The following ZNF732 variants were observed in gnomAD, a reference collection of about 807,000 sequenced individuals.
The protein encoded by ZNF732 is zinc finger protein 732, also known as zinc finger protein LOC654254.
In ZNF732, 12 loss-of-function variants were observed where a neutral mutation model predicts 11.5. The observed-to-expected ratio is 1.05, with a 90% CI of 0.67 to 1.70. The LOEUF (loss-of-function observed/expected upper bound fraction) is 1.70, where lower values mean the gene tolerates loss of function less well. Among genes scored for constraint, ZNF732 ranks in the 40% most tolerant of loss-of-function variants. The pLI is 0.00. For missense variants in ZNF732, 702 were observed against 676.9 expected (o/e 1.04, Z -0.41); for synonymous variants, 231 against 236.5 (o/e 0.98, Z 0.21).
rs782200949 is a variant in ZNF732 at position 296,141 on chromosome 4, G to A, written c.18C>T (p.Phe6=). 6 of 1,611,556 alleles carry A rather than the reference G, an allele frequency of 3.7e-6. No homozygotes were observed. Among genetic ancestry groups the A allele is most frequent in the African/African-American group, 1.3e-5 (1 of 74,722 alleles). The part of the protein sequence containing the change: MELLT[F]RDVAIEFSPE... ...GAGAGAATTCTATGGCCACATCCCT[G>A]AATGTTAAGAGTTCCTGAAAATATA... The change falls in exon 2 of 4, where the codon TTC becomes TTT. Residue 6 remains phenylalanine (F), a synonymous_variant. Transcript: ENST00000419098.
At position 295,890 on chromosome 4, in the gene ZNF732, C is replaced by T. The variant is rs1032875330; in HGVS notation, c.130+139G>A. 41 of 1,096,764 alleles carry T rather than the reference C, an allele frequency of 3.7e-5. No homozygotes were observed. In the African/African-American group the frequency reaches 6.4e-4, roughly 17 times the overall value. The allele number at this position is 1,096,764 out of a possible 1,614,324, so 67.9% of individuals were successfully genotyped here. ...AACATCTTAATATTCTTTTTTACAC[C>T]AGCAAACTCCCAACAGTTTCTTGAA... On this transcript the variant is annotated intron_variant, in intron 2 of 3. Transcript: ENST00000419098.
chr4:294,146 GC>G (rs1170062880), intron 3 of ZNF732, among the ~76,000 whole-genome samples: 5 of 151,924 alleles, frequency 3.3e-5, no homozygotes, highest in African/African-American at 9.7e-5. Flanking sequence ...GATTACAGGC[GC>G]CCCCCACCAT....
At position 292,890 on chromosome 4, in the gene ZNF732, C is replaced by CAAAAAAAA. The variant is rs34118991; in HGVS notation, c.226+2540_226+2547dup. On this transcript the variant is annotated intron_variant, in intron 3 of 3. Transcript: ENST00000419098. ...TGAAACTCTGTCTCTACTAAAAACA[C>CAAAAAAAA]AAAAAAAAAAAAAAAAAAAAAAAAA... is the stretch of plus-strand genomic sequence containing the variant. 6.8e-4 allele frequency among the ~76,000 whole-genome samples: 54 copies of CAAAAAAAA among 79,502 alleles called. 1 individual carries two copies. The highest frequency in any genetic ancestry group is 7.8e-4 in the Non-Finnish European group (30 of 38,396). The allele number at this position is 79,502 out of a possible 152,430, so 52.2% of individuals were successfully genotyped here. A position where few individuals can be genotyped will look rare whatever the true frequency, so the allele number is the denominator to read the frequency against.
At chr4:293,368 A>G (rs1327863061) in intron 3 of ZNF732, among the ~76,000 whole-genome samples, 2 of 150,892 alleles carry the variant, frequency 1.3e-5, no homozygotes, top group Non-Finnish European at 2.9e-5. Context: ...AGAAAAGGAA[A>G]TCTAGCCATT....
At chr4:284,402 A>G (rs1460460675) in intron 3 of ZNF732, among the ~76,000 whole-genome samples, 2 of 152,204 alleles carry the variant, frequency 1.3e-5, no homozygotes, top group African/African-American at 4.8e-5. Context: ...GGACATATCA[A>G]AAGTAGAATG....
At position 280,970 on chromosome 4, in the gene ZNF732, A is replaced by G. The variant is rs554832228; in HGVS notation, c.227-8340T>C. ...ATCCTGCCCAGACACCCACAGAGAG[A>G]AACATCCATCTGTGCCCGAATGTAG... On this transcript the variant is annotated intron_variant, in intron 3 of 3. Transcript: ENST00000419098. Among the ~76,000 whole-genome samples the G allele has an allele frequency of 7.9e-5, 12 of 152,272 alleles. No individual in the cohort carries two copies. The South Asian group carries it at 2.3e-3, about 29-fold the overall frequency.
intron 3 of ZNF732, among the ~76,000 whole-genome samples, chr4:293,895 CAA>C (rs749588066): frequency 4.6e-5 from 7 of 152,104 alleles, no homozygotes; most frequent in Admixed American, 1.3e-4. Flanking sequence ...AGTAAGTACT[CAA>C]TGTAAAAAAC....
At chr4:276,240 G>A (rs948483743) in intron 3 of ZNF732, among the ~76,000 whole-genome samples, 1 of 151,702 alleles carries the variant, frequency 6.6e-6, no homozygotes. Flanking sequence ...AAAAACAATA[G>A]GGAAACAATA....
At chr4:292,199 A>C (rs1553841416) in intron 3 of ZNF732, among the ~76,000 whole-genome samples, 1 of 152,214 alleles carries the variant, frequency 6.6e-6, no homozygotes, top group African/African-American at 2.4e-5. Context: ...AAAAGAAAAC[A>C]CAAGTGGGAT....
chr4:281,869 C>G (rs1352957954), intron 3 of ZNF732, among the ~76,000 whole-genome samples: 3 of 152,024 alleles, frequency 2.0e-5, no homozygotes, highest in African/African-American at 7.2e-5. Context: ...AAACACAGAT[C>G]TAAAAAATGG....
chr4:300,598 ATT>A, intron 1 of ZNF732, among the ~76,000 whole-genome samples: 1 of 152,192 alleles, frequency 6.6e-6, no homozygotes, highest in Non-Finnish European at 1.5e-5. Flanking sequence ...GGGTCTGATC[ATT>A]AAAATAACTT....
intron 1 of ZNF732, among the ~76,000 whole-genome samples, chr4:299,375 A>ATATG (rs1720034048): frequency 3.3e-5 from 2 of 60,282 alleles, no homozygotes; most frequent in Admixed American, 2.0e-4. Context: ...ATATGTGTAT[A>ATATG]TATATATACA....
intron 2 of ZNF732, 24 bp downstream of exon 2, chr4:296,005 A>G (rs782345647): frequency 9.3e-6 from 15 of 1,605,888 alleles, no homozygotes; most frequent in Middle Eastern, 1.7e-4. Context: ...AGTATTAGGA[A>G]TTATTTACTG....
chr4:288,988 G>A (rs1458445228), intron 3 of ZNF732, among the ~76,000 whole-genome samples: 5 of 152,174 alleles, frequency 3.3e-5, no homozygotes, highest in Non-Finnish European at 7.3e-5. Flanking sequence ...TTTTTAAATA[G>A]AGATTTAATT....
intron 1 of ZNF732, among the ~76,000 whole-genome samples, chr4:299,042 T>C (rs540198225): frequency 1.3e-5 from 2 of 152,252 alleles, no homozygotes; most frequent in Admixed American, 6.5e-5. Context: ...TTTTCTGTTA[T>C]GTCTTCAGCC....
At chr4:281,860 A>C (rs797032497) in intron 3 of ZNF732, among the ~76,000 whole-genome samples, 5 of 152,360 alleles carry the variant, frequency 3.3e-5, no homozygotes, top group African/African-American at 1.2e-4. Flanking sequence ...CTAACAATAA[A>C]ACACAGATCT....
chr4:292,436 A>C (rs143107219), intron 3 of ZNF732, among the ~76,000 whole-genome samples: 2,004 of 151,998 alleles, frequency 0.013, 22 homozygotes, highest in Middle Eastern at 0.061. Context: ...GCATGCCTGT[A>C]ATCTCAGCTA....
intron 3 of ZNF732, among the ~76,000 whole-genome samples, chr4:277,518 C>T (rs1407539344): frequency 6.6e-6 from 1 of 151,838 alleles, no homozygotes; most frequent in Non-Finnish European, 1.5e-5. Context: ...CAAAGATGCT[C>T]AACATCACTA....
chr4:303,566 A>C (rs149501538), intron 1 of ZNF732, among the ~76,000 whole-genome samples: 3 of 152,346 alleles, frequency 2.0e-5, no homozygotes, highest in Non-Finnish European at 4.4e-5. Flanking sequence ...CAGTGAGCCG[A>C]TATCACGGCA....
Sources: gnomAD v4.1 joint callset for allele counts (sites outside exome capture counted in the v4.1 genomes callset) on GRCh38, gnomAD v4.1.1 for gene constraint, MANE v1.5 for transcripts, NCBI Gene and HGNC (gene_info 2026-07-23, HGNC 2026-07-21) for gene names.